The following PTPRN2 variants were observed in gnomAD, a reference collection of about 807,000 sequenced individuals.
The protein encoded by PTPRN2 is receptor-type tyrosine-protein phosphatase N2.
A neutral mutation model predicts 118.8 loss-of-function variants in PTPRN2; 74 were observed. The observed-to-expected ratio is 0.62, with a 90% confidence interval of 0.52 to 0.76. The LOEUF (loss-of-function observed/expected upper bound fraction) is 0.76, where lower values mean the gene tolerates loss of function less well. Ranked by LOEUF, PTPRN2 falls within the 30% of genes least tolerant of loss-of-function variation. PTPRN2 has a pLI of 0.00. For missense variants in PTPRN2, 1,481 were observed against 1,394.4 expected (o/e 1.06, Z -0.99); for synonymous variants, 641 against 608.0 (o/e 1.05, Z -0.80).
At chr7:158,389,155 C>T (rs1811730812) in intron 2 of PTPRN2, among the ~76,000 whole-genome samples, 3 of 152,206 alleles carry the variant, frequency 2.0e-5, no homozygotes, top group Non-Finnish European at 4.4e-5. Context: ...ACACCTGGGC[C>T]CTGAAGCCCT....
chr7:157,922,604 G>A (rs1211931214), intron 11 of PTPRN2, among the ~76,000 whole-genome samples: 1 of 152,162 alleles, frequency 6.6e-6, no homozygotes, highest in Non-Finnish European at 1.5e-5. Flanking sequence ...TAGCAAGAAT[G>A]ACTTTGTTCC....
At chr7:158,114,912 G>T (rs1178675048) in intron 9 of PTPRN2, among the ~76,000 whole-genome samples, 1 of 152,178 alleles carries the variant, frequency 6.6e-6, no homozygotes, top group East Asian at 1.9e-4. Context: ...GAAGGGGCAG[G>T]GGAGGCACGG....
intron 12 of PTPRN2, among the ~76,000 whole-genome samples, chr7:157,835,229 T>C (rs1807850445): frequency 6.6e-6 from 1 of 151,974 alleles, no homozygotes; most frequent in South Asian, 2.1e-4. Context: ...CCAACGAAGA[T>C]GCAAGACACA....
intron 10 of PTPRN2, among the ~76,000 whole-genome samples, chr7:158,089,443 A>AC (rs1482812155): frequency 6.2e-5 from 3 of 48,004 alleles, no homozygotes; most frequent in African/African-American, 9.9e-5. Flanking sequence ...GTCTTCACAC[A>AC]AACCTTCTTC....
At chr7:157,940,249 G>A (rs1799963710) in intron 11 of PTPRN2, among the ~76,000 whole-genome samples, 1 of 152,130 alleles carries the variant, frequency 6.6e-6, no homozygotes, top group Non-Finnish European at 1.5e-5. Context: ...AAGCCTCAGT[G>A]CAGATTCTTT....
At position 157,771,617 on chromosome 7, in the gene PTPRN2, G is replaced by C. The variant is rs190523138; in HGVS notation, c.1789-88680C>G. Among the ~76,000 whole-genome samples, 4 of 152,296 alleles carry C rather than the reference G, an allele frequency of 2.6e-5. 1 individual carries two copies. The highest frequency in any genetic ancestry group is 9.6e-5 in the African/African-American group (4 of 41,550). On this transcript the variant is annotated intron_variant, in intron 12 of 22. Coordinates refer to ENST00000389418, the MANE Select transcript of PTPRN2 (RefSeq NM_002847.5). ...AAGACACACACGGCACAGGGAAAATGTGCTGGCAAAGCAGTGCAAAGGGCA... is the reference window on the plus strand; with the variant it reads ...AAGACACACACGGCACAGGGAAAATCTGCTGGCAAAGCAGTGCAAAGGGCA...
chr7:157,933,584 G>C (rs527599457), intron 11 of PTPRN2, among the ~76,000 whole-genome samples: 4 of 148,096 alleles, frequency 2.7e-5, no homozygotes, highest in Admixed American at 6.7e-5. Flanking sequence ...TAGAGGAGGG[G>C]TGAGTCACTC....
intron 6 of PTPRN2, among the ~76,000 whole-genome samples, chr7:158,155,507 A>ATC (rs1821644953): frequency 7.0e-6 from 1 of 143,386 alleles, no homozygotes; most frequent in Non-Finnish European, 1.5e-5. Flanking sequence ...CATCATCACC[A>ATC]ATGCCATCAT....
intron 12 of PTPRN2, among the ~76,000 whole-genome samples, chr7:157,695,341 T>C (rs1047839283): frequency 1.3e-4 from 20 of 152,150 alleles, no homozygotes; most frequent in African/African-American, 4.6e-4. Flanking sequence ...ACTCTTGATT[T>C]CAGAAGTCTA....
intron 11 of PTPRN2, among the ~76,000 whole-genome samples, chr7:158,048,720 TATCACCACC>T (rs1809074495): frequency 6.7e-6 from 1 of 148,404 alleles, no homozygotes; most frequent in Non-Finnish European, 1.5e-5. Flanking sequence ...ATCACCATCA[TATCACCACC>T]ATCACCATCA....
intron 17 of PTPRN2, among the ~76,000 whole-genome samples, chr7:157,580,962 A>C (rs1483529266): frequency 1.6e-4 from 12 of 76,106 alleles, no homozygotes; most frequent in Admixed American, 3.2e-4. Context: ...ACACCCCAGC[A>C]CCTGCACACC....
chr7:158,451,678 G>A (rs1000858233), intron 2 of PTPRN2, among the ~76,000 whole-genome samples: 31 of 152,042 alleles, frequency 2.0e-4, no homozygotes, highest in African/African-American at 6.8e-4. Flanking sequence ...GAACGCTCGC[G>A]GTTTTTTCCT....
chr7:157,783,008 G>C (rs1039078086), intron 12 of PTPRN2, among the ~76,000 whole-genome samples: 2 of 152,164 alleles, frequency 1.3e-5, no homozygotes, highest in Non-Finnish European at 2.9e-5. Context: ...CACAGGGGTG[G>C]ATACCCCATG....
rs768322886 is a variant in PTPRN2 at position 157,872,969 on chromosome 7, CTTT to C, written c.1788+25701_1788+25703del. 3.2e-4 allele frequency among the ~76,000 whole-genome samples: 48 copies of C among 152,346 alleles called. 1 individual carries two copies. The highest frequency in any genetic ancestry group is 3.4e-3 in the Middle Eastern group (1 of 294). ...TGGTGCTTGTCCTCTTCCTGGGACA[CTTT>C]TCTGTCTGCACTAGAACTTGACAGA... On this transcript the variant is annotated intron_variant, in intron 12 of 22. Transcript: ENST00000389418.
rs1312742611 is a variant in PTPRN2 at position 158,171,336 on chromosome 7, T to C, written c.550-4045A>G. Among the ~76,000 whole-genome samples the C allele has an allele frequency of 2.6e-3, 309 of 121,028 alleles. 13 individuals carry two copies. The highest frequency in any genetic ancestry group is 3.9e-3 in the Admixed American group (46 of 11,848). The allele number at this position is 121,028 out of a possible 152,430, so 79.4% of individuals were successfully genotyped here. On this transcript the variant is annotated intron_variant, in intron 5 of 22. Transcript: ENST00000389418. ...ATATATATATATATATATATATATA[T>C]ATATATATATATACACACACACATT...
intron 12 of PTPRN2, among the ~76,000 whole-genome samples, chr7:157,766,436 A>C (rs1802495636): frequency 6.6e-6 from 1 of 151,360 alleles, no homozygotes; most frequent in Admixed American, 6.6e-5. Flanking sequence ...CCATCCATCC[A>C]TGCATCCATC....
At chr7:158,354,534 C>T (rs1808241600) in intron 2 of PTPRN2, among the ~76,000 whole-genome samples, 1 of 152,058 alleles carries the variant, frequency 6.6e-6, no homozygotes, top group African/African-American at 2.4e-5. Flanking sequence ...AGTCTTGAAA[C>T]AAAAATACAT....
At chr7:158,287,360 A>AT (rs1238702672) in intron 3 of PTPRN2, among the ~76,000 whole-genome samples, 4 of 151,728 alleles carry the variant, frequency 2.6e-5, no homozygotes, top group African/African-American at 9.7e-5. Flanking sequence ...CTTTCCTATT[A>AT]GATTTAGGCT....
intron 11 of PTPRN2, among the ~76,000 whole-genome samples, chr7:157,988,125 C>T (rs1162677274): frequency 6.6e-6 from 1 of 152,194 alleles, no homozygotes; most frequent in Non-Finnish European, 1.5e-5. Flanking sequence ...CTGCCTTTCC[C>T]GAATTGTTTG....
Sources: gnomAD v4.1 joint callset for allele counts (sites outside exome capture counted in the v4.1 genomes callset) on GRCh38, gnomAD v4.1.1 for gene constraint, MANE v1.5 for transcripts, NCBI Gene and HGNC (gene_info 2026-07-23, HGNC 2026-07-21) for gene names.